CAND1: variants seen among roughly 807,000 people sequenced by gnomAD.
CAND1 encodes the protein cullin associated and neddylation dissociated 1, also known as cullin-associated NEDD8-dissociated protein 1.
A neutral mutation model predicts 108.5 loss-of-function variants in CAND1; 7 were observed. That is an observed-to-expected ratio of 0.06 (90% CI 0.04 to 0.12). The LOEUF (loss-of-function observed/expected upper bound fraction) is 0.12, where lower values mean the gene tolerates loss of function less well. Among genes scored for constraint, CAND1 ranks in the 10% least tolerant of loss-of-function variants. CAND1 has a pLI of 1.00. For synonymous variants in CAND1, 534 were observed against 512.0 expected (o/e 1.04, Z -0.58); for missense variants, 941 against 1,448.7 (o/e 0.65, Z 5.69).
chr12:67,313,782 T>G lies in CAND1; in HGVS notation c.*952T>G, dbSNP rs1299516094. The G allele has an allele frequency of 6.6e-6, 1 of 152,644 alleles. No individual in the cohort carries two copies. The highest frequency in any genetic ancestry group is 6.5e-5 in the Admixed American group (1 of 15,278). 9.5% of individuals were successfully genotyped at this position (152,644 alleles called of 1,614,324 possible). A position where few individuals can be genotyped will look rare whatever the true frequency, so the allele number is the denominator to read the frequency against. ...TTTTCTTTCATTCCGTTTGGATGTC[T>G]ACATTCCTTATCAAAGGATATAAAT... is the stretch of plus-strand genomic sequence containing the variant. On this transcript the variant is annotated 3_prime_UTR_variant, in exon 15 of 15. Coordinates refer to ENST00000545606, the MANE Select transcript of CAND1 (RefSeq NM_018448.5).
At chr12:67,281,860 A>T in intron 1 of CAND1, 50 bp from the exon 2 acceptor site, 1 of 1,323,418 alleles carries the variant, frequency 7.6e-7, no homozygotes, top group Non-Finnish European at 1.0e-6. Context: ...TTATCTTTTT[A>T]AATTAATGCT....
chr12:67,279,915 G>A (rs1032988201), intron 1 of CAND1, among the ~76,000 whole-genome samples: 3 of 152,136 alleles, frequency 2.0e-5, no homozygotes, highest in Non-Finnish European at 2.9e-5. Context: ...AACTATTATG[G>A]TTATTTAATG....
chr12:67,294,155 TTC>T (rs1023757163), intron 3 of CAND1, among the ~76,000 whole-genome samples: 1 of 152,210 alleles, frequency 6.6e-6, no homozygotes, highest in African/African-American at 2.4e-5. Context: ...TTAATTTTTT[TTC>T]TCTCATTGAA....
At chr12:67,303,018 T>A (rs918139954) in intron 8 of CAND1, among the ~76,000 whole-genome samples, 2 of 152,220 alleles carry the variant, frequency 1.3e-5, no homozygotes, top group Admixed American at 1.3e-4. Context: ...CTTAGAAATA[T>A]CTACCTGTGG....
At chr12:67,298,457 AAATC>A (rs138697776) in intron 6 of CAND1, among the ~76,000 whole-genome samples, 303 of 152,304 alleles carry the variant, frequency 2.0e-3, no homozygotes, top group Non-Finnish European at 3.1e-3. Flanking sequence ...CATATTCTGA[AAATC>A]AGAAATTGTT....
In CAND1 at chr12:67,313,911, C is replaced by T. The variant is rs2044981144; in HGVS notation, c.*1081C>T. 6.6e-6 allele frequency: 1 copy of T among 152,482 alleles called. No individual in the cohort carries two copies. The highest frequency in any genetic ancestry group is 1.5e-5 in the Non-Finnish European group (1 of 67,990). 9.4% of individuals were successfully genotyped at this position (152,482 alleles called of 1,614,324 possible). ...TTTCTTTTAGTTGAGTTAGGTTTTT[C>T]CCCATCTCCTGTAGAGCGAATTTAC... On this transcript the variant is annotated 3_prime_UTR_variant, in exon 15 of 15. Coordinates refer to ENST00000545606, the MANE Select transcript of CAND1 (RefSeq NM_018448.5).
intron 8 of CAND1, among the ~76,000 whole-genome samples, chr12:67,304,195 G>T (rs2044855223): frequency 1.3e-5 from 2 of 151,892 alleles, no homozygotes; most frequent in Non-Finnish European, 2.9e-5. Context: ...TCACCATGTT[G>T]GCCAGAATGG....
At chr12:67,287,857 ATT>A (rs34177330) in intron 2 of CAND1, among the ~76,000 whole-genome samples, 2,451 of 112,560 alleles carry the variant, frequency 0.022, 74 homozygotes, top group African/African-American at 0.074. Context: ...TTTTGATGTG[ATT>A]TTTTTTTTTT....
At chr12:67,295,458 G>T (rs1444859003) in intron 4 of CAND1, among the ~76,000 whole-genome samples, 1 of 152,076 alleles carries the variant, frequency 6.6e-6, no homozygotes, top group African/African-American at 2.4e-5. Context: ...CTTGCATTCA[G>T]TGGTGTATTT....
At chr12:67,293,572 G>C (rs916330751) in intron 3 of CAND1, among the ~76,000 whole-genome samples, 4 of 152,080 alleles carry the variant, frequency 2.6e-5, no homozygotes, top group Non-Finnish European at 5.9e-5. Context: ...TGACCAACAT[G>C]GAGAAACCCC....
Position 67,305,276 on chromosome 12 carries a change from A to T in CAND1, c.1608A>T (p.Thr536=), listed in dbSNP as rs977026052. ...ACVGDPFYKI[T]SEALLVTQQL... ...TTGGAGACCCATTTTACAAAATTAC[A>T]TCTGAAGCACTTCTTGTTACTCAAC... Residue 536 remains threonine, a synonymous_variant, in exon 10 of 15, where the codon ACA becomes ACT. Coordinates refer to ENST00000545606, the MANE Select transcript of CAND1 (RefSeq NM_018448.5). This position sits in a 1 kb window ranked among gnomAD's most constrained non-coding sequence, Gnocchi z 4.4. 6.2e-7 allele frequency: 1 copy of T among 1,614,174 alleles called. No homozygotes were observed. Among genetic ancestry groups the T allele is most frequent in the Non-Finnish European group, 8.5e-7 (1 of 1,180,028 alleles).
intron 1 of CAND1, chr12:67,270,252 T>G: frequency 6.3e-6 from 1 of 158,206 alleles, no homozygotes; most frequent in Non-Finnish European, 1.4e-5. Flanking sequence ...GCCTCCTCTC[T>G]GCCCGCAGGT....
chr12:67,276,315 C>T (rs2044568834), intron 1 of CAND1, among the ~76,000 whole-genome samples: 1 of 152,130 alleles, frequency 6.6e-6, no homozygotes, highest in African/African-American at 2.4e-5. Context: ...TTTCTTTGCT[C>T]ATCTATTTGG....
In CAND1 at chr12:67,299,138, C is replaced by T. The variant is rs11176676; in HGVS notation, c.1000+43C>T. 14,509 of 1,471,008 alleles carry T rather than the reference C, an allele frequency of 9.9e-3. 1,201 individuals are homozygous for T. In the African/African-American group the frequency reaches 0.18, roughly 18 times the overall value. 91.1% of individuals were successfully genotyped at this position (1,471,008 alleles called of 1,614,324 possible). A position where few individuals can be genotyped will look rare whatever the true frequency, so the allele number is the denominator to read the frequency against. On this transcript the variant is annotated intron_variant, in intron 7 of 14. Transcript: ENST00000545606. Reference sequence around the variant, plus strand: ...GAATCTTTTGAGTTTTTGTGAAAGACACTTATAGATGGAGATGATTCTTAG... The same window carrying T: ...GAATCTTTTGAGTTTTTGTGAAAGATACTTATAGATGGAGATGATTCTTAG...
At position 67,317,180 on chromosome 12, in the gene CAND1, T is replaced by C. The variant is rs892374919; in HGVS notation, c.*4350T>C. 2 of 152,208 alleles carry C rather than the reference T, an allele frequency of 1.3e-5. No homozygotes were observed. Among genetic ancestry groups the C allele is most frequent in the Non-Finnish European group, 2.9e-5 (2 of 68,060 alleles). 9.4% of individuals were successfully genotyped at this position (152,208 alleles called of 1,614,324 possible). On this transcript the variant is annotated 3_prime_UTR_variant, in exon 15 of 15. Transcript: ENST00000545606. Reference sequence around the variant, plus strand: ...TAAGACAAGGTCTCACTCTGTTGCCTGGACTGGAGTACATAGCACGAACAT... The same window carrying C: ...TAAGACAAGGTCTCACTCTGTTGCCCGGACTGGAGTACATAGCACGAACAT...
rs568142407 is a variant in CAND1, at chr12:67,289,060, ATCT to A, written c.213-3557_213-3555del. 3.9e-3 allele frequency among the ~76,000 whole-genome samples: 588 copies of A among 152,184 alleles called. 6 individuals carry two copies. The highest frequency in any genetic ancestry group is 0.013 in the African/African-American group (558 of 41,506). On this transcript the variant is annotated intron_variant, in intron 2 of 14. Coordinates refer to ENST00000545606, the MANE Select transcript of CAND1 (RefSeq NM_018448.5). The stretch of plus-strand genomic sequence containing the variant: ...TCAAGATTGGTGTATGTGCATATGT[ATCT>A]TCTTTATTTCTTGTTTTGTCTGTTT...
intron 8 of CAND1, 76 bp downstream of exon 8, chr12:67,302,691 T>A (rs1052895411): frequency 7.7e-7 from 1 of 1,305,310 alleles, no homozygotes; most frequent in Admixed American, 2.0e-5. Flanking sequence ...TATGGAAAGG[T>A]GAGTTCCAGA....
chr12:67,319,537 T>A lies in CAND1; in HGVS notation c.*6707T>A, dbSNP rs1207066116. ...GACTCCATTTTCAGGCACGTAATAT[T>A]GTCAAATTCCTTTTAAAAGCACCTG... On this transcript the variant is annotated 3_prime_UTR_variant, in exon 15 of 15. Transcript: ENST00000545606. 1 of 152,158 alleles carries A rather than the reference T, an allele frequency of 6.6e-6. No homozygotes were observed. The highest frequency in any genetic ancestry group is 1.5e-5 in the Non-Finnish European group (1 of 68,044). The allele number at this position is 152,158 out of a possible 1,614,324, so 9.4% of individuals were successfully genotyped here.
chr12:67,315,310 TG>T lies in CAND1; in HGVS notation c.*2483del, dbSNP rs1299193077. The T allele has an allele frequency of 2.0e-5, 3 of 152,190 alleles. No homozygotes were observed. Among genetic ancestry groups the T allele is most frequent in the Non-Finnish European group, 4.4e-5 (3 of 68,112 alleles). The allele number at this position is 152,190 out of a possible 1,614,324, so 9.4% of individuals were successfully genotyped here. On this transcript the variant is annotated 3_prime_UTR_variant, in exon 15 of 15. Coordinates refer to ENST00000545606, the MANE Select transcript of CAND1 (RefSeq NM_018448.5). Reference sequence around the variant, plus strand: ...TCTACTGAAAATACAAAAAATTAGCTGGGCGTGGTGGCAGACGCCTGTAGTC... The same window carrying T: ...TCTACTGAAAATACAAAAAATTAGCTGGCGTGGTGGCAGACGCCTGTAGTC...
Sources: gnomAD v4.1 joint callset for allele counts (sites outside exome capture counted in the v4.1 genomes callset) on GRCh38, gnomAD v4.1.1 for gene constraint, Gnocchi (gnomAD v3.1) non-coding constraint, MANE v1.5 for transcripts, NCBI Gene and HGNC (gene_info 2026-07-23, HGNC 2026-07-21) for gene names.